HMGCS1: variants seen among roughly 807,000 people sequenced by gnomAD.
The protein encoded by HMGCS1 is 3-hydroxy-3-methylglutaryl-CoA synthase 1.
A neutral mutation model predicts 52.3 loss-of-function variants in HMGCS1; 9 were observed. The observed-to-expected ratio is 0.17, with a 90% CI of 0.10 to 0.30. The LOEUF is 0.30. Among genes scored for constraint, HMGCS1 ranks in the 10% least tolerant of loss-of-function variants. HMGCS1 has a pLI of 1.00. For missense variants in HMGCS1, 320 were observed against 620.9 expected (o/e 0.52, Z 5.15); for synonymous variants, 176 against 214.4 (o/e 0.82, Z 1.57).
rs1753686243 is a variant in HMGCS1, at chr5:43,290,354, T to A, written c.*777A>T. On this transcript the variant is annotated 3_prime_UTR_variant, in exon 11 of 11. Coordinates refer to ENST00000325110, the MANE Select transcript of HMGCS1 (RefSeq NM_001098272.3). ...AATAACATCTCACTGTTGTTCAGCATAATCTACCATGAACTGATTCAGGAG... is the reference window on the plus strand; with the variant it reads ...AATAACATCTCACTGTTGTTCAGCAAAATCTACCATGAACTGATTCAGGAG... 6.6e-6 allele frequency: 1 copy of A among 152,374 alleles called. No individual in the cohort carries two copies. Among genetic ancestry groups the A allele is most frequent in the South Asian group, 2.1e-4 (1 of 4,836 alleles). The allele number at this position is 152,374 out of a possible 1,614,324, so 9.4% of individuals were successfully genotyped here.
In HMGCS1 at chr5:43,290,487, T is replaced by C. The variant is rs906995801; in HGVS notation, c.*644A>G. 6.6e-6 allele frequency: 1 copy of C among 152,246 alleles called. No individual in the cohort carries two copies. The highest frequency in any genetic ancestry group is 1.5e-5 in the Non-Finnish European group (1 of 68,052). The allele number at this position is 152,246 out of a possible 1,614,324, so 9.4% of individuals were successfully genotyped here. ...TCAGAGGTCATTACAATAACTTTTG[T>C]CACTGCTGGCCTGGACTTAACATTC... On this transcript the variant is annotated 3_prime_UTR_variant, in exon 11 of 11. Transcript: ENST00000325110.
chr5:43,303,623 A>G lies in HMGCS1; in HGVS notation c.-11+4143T>C, dbSNP rs144860680. Among the ~76,000 whole-genome samples, 824 of 152,330 alleles carry G rather than the reference A, an allele frequency of 5.4e-3. 4 individuals are homozygous for G. The highest frequency in any genetic ancestry group is 7.2e-3 in the Non-Finnish European group (490 of 68,028). On this transcript the variant is annotated intron_variant, in intron 2 of 10. Transcript: ENST00000325110. Reference sequence around the variant, plus strand: ...GTCTCCTCATGTCTTAGACTACTGTATGGCCCATTTTACCAGACATAGCAT... The same window carrying G: ...GTCTCCTCATGTCTTAGACTACTGTGTGGCCCATTTTACCAGACATAGCAT...
rs1268719437 is a variant in HMGCS1 at position 43,287,476 on chromosome 5, G to C, written c.*3655C>G. 2 of 152,152 alleles carry C rather than the reference G, an allele frequency of 1.3e-5. No homozygotes were observed. Among genetic ancestry groups the C allele is most frequent in the African/African-American group, 4.8e-5 (2 of 41,442 alleles). 9.4% of individuals were successfully genotyped at this position (152,152 alleles called of 1,614,324 possible). ...CAGAGCCTGAGAGAAAAGCTTGAAT[G>C]AAAGTCATTTATTTGAGAAGCGATC... On this transcript the variant is annotated 3_prime_UTR_variant, in exon 11 of 11. Transcript: ENST00000325110.
At position 43,298,432 on chromosome 5, in the gene HMGCS1, T is replaced by C; in HGVS notation, c.448+86A>G. 1.1e-6 allele frequency: 1 copy of C among 942,162 alleles called. No homozygotes were observed. The highest frequency in any genetic ancestry group is 2.9e-4 in the Middle Eastern group (1 of 3,488). The allele number at this position is 942,162 out of a possible 1,614,324, so 58.4% of individuals were successfully genotyped here. On this transcript the variant is annotated intron_variant, in intron 3 of 10. Transcript: ENST00000325110. This position sits in a 1 kb window ranked among gnomAD's most constrained non-coding sequence, Gnocchi z 5.6. ...CAAGGACAAATTACAAAAGTTTGCG[T>C]ATTGCATTAATTAAAGTGTCATCTG... is the stretch of plus-strand genomic sequence containing the variant.
Position 43,292,549 on chromosome 5 carries a change from G to GT in HMGCS1, c.1397dup (p.Tyr466Ter). 1.2e-6 allele frequency: 2 copies of GT among 1,613,906 alleles called. No homozygotes were observed. Among genetic ancestry groups the GT allele is most frequent in the Non-Finnish European group, 1.7e-6 (2 of 1,179,836 alleles). Residue 466 changes from tyrosine (Y) to a stop codon, truncating the protein, a stop_gained and frameshift_variant, in exon 10 of 11, where the codon TAC becomes TAAC. Transcript: ENST00000325110. LOFTEE classifies it high-confidence loss of function. ...VRVDEKHRRT[Y>*]ARRPTPNDDT... ...CATCATTTGGAGTGGGACGCCGAGC[G>GT]TAAGTTCTTCTGTGCTTTTCATCCA...
At chr5:43,291,298 G>T in intron 10 of HMGCS1, 78 bp from the exon 11 acceptor site, 3 of 885,328 alleles carry the variant, frequency 3.4e-6, no homozygotes, top group Non-Finnish European at 5.7e-6. Flanking sequence ...TAAAGTTTCT[G>T]TAAAGAAACT....
In HMGCS1 at chr5:43,296,983, G is replaced by GA. The variant is rs1561114100; in HGVS notation, c.739+18dup. 5 of 1,611,220 alleles carry GA rather than the reference G, an allele frequency of 3.1e-6. No homozygotes were observed. The highest frequency in any genetic ancestry group is 4.2e-6 in the Non-Finnish European group (5 of 1,178,388). ...GCTCTCAACTCATACCAAAACCAAGGAAAATGGGTAAAACTTACCTTTCTG... is the reference window on the plus strand; with the variant it reads ...GCTCTCAACTCATACCAAAACCAAGGAAAAATGGGTAAAACTTACCTTTCTG... On this transcript the variant is annotated intron_variant, in intron 5 of 10. Coordinates refer to ENST00000325110, the MANE Select transcript of HMGCS1 (RefSeq NM_001098272.3).
intron 1 of HMGCS1, among the ~76,000 whole-genome samples, chr5:43,309,757 G>C (rs1754767601): frequency 6.6e-6 from 1 of 152,206 alleles, no homozygotes; most frequent in South Asian, 2.1e-4. Context: ...ATCAACATGG[G>C]TCAAGAAGCA....
chr5:43,301,784 C>T (rs1397076670), intron 2 of HMGCS1, among the ~76,000 whole-genome samples: 1 of 152,188 alleles, frequency 6.6e-6, no homozygotes, highest in Non-Finnish European at 1.5e-5. Context: ...GAGGAACAGC[C>T]TCCAAAAACA....
intron 1 of HMGCS1, among the ~76,000 whole-genome samples, chr5:43,310,679 C>G (rs1458619782): frequency 1.3e-5 from 2 of 152,042 alleles, no homozygotes; most frequent in African/African-American, 4.8e-5. Flanking sequence ...CAGGGCTACT[C>G]TATATGTAGT....
rs1753578732 is a variant in HMGCS1 at position 43,288,148 on chromosome 5, A to T, written c.*2983T>A. ...TACTGAATAAAGTAGTCCAGGAAAG[A>T]CATTCTTTTTAATATTAAAAGATAA... On this transcript the variant is annotated 3_prime_UTR_variant, in exon 11 of 11. Transcript: ENST00000325110. The T allele has an allele frequency of 6.6e-6, 1 of 152,226 alleles. No individual in the cohort carries two copies. The highest frequency in any genetic ancestry group is 6.5e-5 in the Admixed American group (1 of 15,282). 9.4% of individuals were successfully genotyped at this position (152,226 alleles called of 1,614,324 possible). A position where few individuals can be genotyped will look rare whatever the true frequency, so the allele number is the denominator to read the frequency against.
At chr5:43,302,379 C>T (rs1038312375) in intron 2 of HMGCS1, among the ~76,000 whole-genome samples, 3 of 152,212 alleles carry the variant, frequency 2.0e-5, no homozygotes, top group African/African-American at 7.2e-5. Context: ...CAACCCACCT[C>T]GTGCTTCTGC....
Position 43,291,220 on chromosome 5 carries a change from GC to G in HMGCS1, c.1474-1del. The G allele has an allele frequency of 6.2e-7, 1 of 1,603,878 alleles. No individual in the cohort carries two copies. Among genetic ancestry groups the G allele is most frequent in the Non-Finnish European group, 8.5e-7 (1 of 1,170,938 alleles). ...ACTTTCTTGGCAGGGCTTGGAATAT[GC>G]TAAAATGAAAGGAAAAAAGTTGATG... On this transcript the variant is annotated splice_acceptor_variant, in intron 10 of 10. Coordinates refer to ENST00000325110, the MANE Select transcript of HMGCS1 (RefSeq NM_001098272.3). LOFTEE classifies it high-confidence loss of function.
intron 8 of HMGCS1, chr5:43,293,684 A>G (rs571096001): frequency 7.3e-4 from 116 of 159,584 alleles, no homozygotes; most frequent in Non-Finnish European, 1.2e-3. Flanking sequence ...GAAGACTGCT[A>G]AATCAACTTC....
chr5:43,299,067 G>A, intron 2 of HMGCS1, 92 bp from the exon 3 acceptor site: 1 of 874,200 alleles, frequency 1.1e-6, no homozygotes, highest in East Asian at 2.6e-5. Flanking sequence ...TAAGAGTTTA[G>A]CAATCACCTG....
At chr5:43,312,005 GC>G (rs1754895867) in intron 1 of HMGCS1, among the ~76,000 whole-genome samples, 1 of 152,180 alleles carries the variant, frequency 6.6e-6, no homozygotes, top group Non-Finnish European at 1.5e-5. Flanking sequence ...TGCTATCCCT[GC>G]CCCCTTCTTC....
rs1359477379 is a variant in HMGCS1, at chr5:43,290,324, C to T, written c.*807G>A. 1.3e-5 allele frequency: 2 copies of T among 152,456 alleles called. No homozygotes were observed. The highest frequency in any genetic ancestry group is 2.9e-5 in the Non-Finnish European group (2 of 68,032). 9.4% of individuals were successfully genotyped at this position (152,456 alleles called of 1,614,324 possible). ...GCAACAACAAACTCCCTCATCCACA[C>T]CTCCAATAACATCTCACTGTTGTTC... is the stretch of plus-strand genomic sequence containing the variant. On this transcript the variant is annotated 3_prime_UTR_variant, in exon 11 of 11. Coordinates refer to ENST00000325110, the MANE Select transcript of HMGCS1 (RefSeq NM_001098272.3).
intron 10 of HMGCS1, 71 bp from the exon 11 acceptor site, chr5:43,291,291 A>C (rs1753754338): frequency 1.1e-6 from 1 of 935,648 alleles, no homozygotes; most frequent in South Asian, 1.3e-5. Context: ...CACCAATTAA[A>C]GTTTCTGTAA....
rs913700510 is a variant in HMGCS1, at chr5:43,297,616, G to A, written c.574+393C>T. ...AGCACTTTGGGAGGTTGAGGGGGGC[G>A]GATCACCTGAGGTCAGGAATTCGAT... On this transcript the variant is annotated intron_variant, in intron 4 of 10. Coordinates refer to ENST00000325110, the MANE Select transcript of HMGCS1 (RefSeq NM_001098272.3). 8.5e-5 allele frequency among the ~76,000 whole-genome samples: 13 copies of A among 152,164 alleles called. 1 individual carries two copies. The highest frequency in any genetic ancestry group is 3.3e-4 in the Admixed American group (5 of 15,292).
Sources: allele counts gnomAD v4.1 joint callset (sites outside exome capture counted in the v4.1 genomes callset), GRCh38; gene constraint gnomAD v4.1.1; non-coding constraint Gnocchi (gnomAD v3.1); transcripts MANE v1.5; gene names NCBI Gene and HGNC (gene_info 2026-07-23, HGNC 2026-07-21).